NPAS3: variants seen among roughly 807,000 people sequenced by gnomAD.
The protein encoded by NPAS3 is neuronal PAS domain protein 3, also known as neuronal PAS domain-containing protein 3.
In NPAS3, 14 loss-of-function variants were observed where a neutral mutation model predicts 73.1. The ratio of observed to expected loss-of-function variants is 0.19; its 90% CI spans 0.13 to 0.30. The LOEUF is 0.30. Among genes scored for constraint, NPAS3 ranks in the 10% least tolerant of loss-of-function variants. The pLI is 1.00. For missense variants in NPAS3, 1,096 were observed against 1,250.0 expected, an observed-to-expected ratio of 0.88 and a Z score of 1.86; for synonymous variants, 620 against 541.5, an observed-to-expected ratio of 1.14 and a Z score of -2.01.
intron 5 of NPAS3, among the ~76,000 whole-genome samples, chr14:33,638,081 T>A (rs995655516): frequency 3.3e-5 from 5 of 152,222 alleles, no homozygotes; most frequent in Non-Finnish European, 5.9e-5. Context: ...TTTTGATAGC[T>A]GATTCTATGT....
At chr14:33,331,896 T>A (rs2044001895) in intron 3 of NPAS3, among the ~76,000 whole-genome samples, 1 of 152,218 alleles carries the variant, frequency 6.6e-6, no homozygotes, top group East Asian at 1.9e-4. Flanking sequence ...CTCTTGGAAG[T>A]GTGTTTATAT....
intron 2 of NPAS3, among the ~76,000 whole-genome samples, chr14:33,151,960 C>G (rs2139247072): frequency 6.6e-6 from 1 of 152,262 alleles, no homozygotes; most frequent in African/African-American, 2.4e-5. Flanking sequence ...ATTACGTATA[C>G]ATCTTTCACT....
intron 2 of NPAS3, among the ~76,000 whole-genome samples, chr14:33,177,975 A>G (rs1402939967): frequency 6.6e-6 from 1 of 151,396 alleles, no homozygotes; most frequent in Non-Finnish European, 1.5e-5. Flanking sequence ...TGCTTTGGCT[A>G]TTGGGAGCCC....
At chr14:33,673,170 A>G (rs2059660302) in intron 5 of NPAS3, among the ~76,000 whole-genome samples, 5 of 152,196 alleles carry the variant, frequency 3.3e-5, no homozygotes, top group Admixed American at 3.3e-4. Context: ...TCTTTCCTGA[A>G]TAAAGCAAGG....
intron 3 of NPAS3, among the ~76,000 whole-genome samples, chr14:33,346,770 T>TA (rs2044756731): frequency 6.6e-6 from 1 of 152,134 alleles, no homozygotes; most frequent in Non-Finnish European, 1.5e-5. Flanking sequence ...CTTTCATGTA[T>TA]TACAGTTCCT....
intron 2 of NPAS3, among the ~76,000 whole-genome samples, chr14:33,181,185 A>T (rs1258887431): frequency 2.0e-5 from 3 of 152,210 alleles, no homozygotes; most frequent in African/African-American, 7.2e-5. Flanking sequence ...GTGCTTAAAG[A>T]TGACAAGGCC....
chr14:33,623,407 A>G (rs1430103311), intron 5 of NPAS3, among the ~76,000 whole-genome samples: 1 of 152,160 alleles, frequency 6.6e-6, no homozygotes, highest in Non-Finnish European at 1.5e-5. Context: ...ACCATACCCC[A>G]TGTATAATAC....
intron 5 of NPAS3, chr14:33,611,228 C>T (rs980812685): frequency 1.4e-4 from 21 of 152,012 alleles, no homozygotes; most frequent in African/African-American, 5.1e-4. Context: ...TATGAAATAG[C>T]ACATGTTAAT....
At chr14:33,060,932 T>C (rs921060823) in intron 2 of NPAS3, among the ~76,000 whole-genome samples, 1 of 152,244 alleles carries the variant, frequency 6.6e-6, no homozygotes, top group East Asian at 1.9e-4. Flanking sequence ...ATGTGGGTAC[T>C]CTACTCAGTA....
intron 3 of NPAS3, among the ~76,000 whole-genome samples, chr14:33,300,208 A>C (rs1009644187): frequency 6.6e-6 from 1 of 152,206 alleles, no homozygotes; most frequent in Non-Finnish European, 1.5e-5. Flanking sequence ...GTAGCTATTT[A>C]TGCAAGTCTT....
chr14:33,801,063 G>C, exon 12 of NPAS3: 1 of 1,594,806 alleles, frequency 6.3e-7, no homozygotes, highest in Non-Finnish European at 8.5e-7. Flanking sequence ...CCCGTCTACA[G>C]CAACGGCATC....
intron 4 of NPAS3, among the ~76,000 whole-genome samples, chr14:33,537,049 G>GA (rs148452066): frequency 0.098 from 14,889 of 152,010 alleles, 808 homozygotes; most frequent in Non-Finnish European, 0.12. Flanking sequence ...GCTATGTTAC[G>GA]AAAAAACAAC....
At chr14:33,383,801 G>GA (rs1272769190) in intron 4 of NPAS3, among the ~76,000 whole-genome samples, 2 of 151,936 alleles carry the variant, frequency 1.3e-5, no homozygotes, top group African/African-American at 4.8e-5. Context: ...AATGTCTTCC[G>GA]AAAAAAATCC....
chr14:33,375,948 T>C (rs957694459), intron 4 of NPAS3, among the ~76,000 whole-genome samples: 4 of 152,202 alleles, frequency 2.6e-5, no homozygotes, highest in Non-Finnish European at 5.9e-5. Context: ...GACGTAAGCA[T>C]CACTCTGACC....
intron 5 of NPAS3, among the ~76,000 whole-genome samples, chr14:33,642,875 C>CTTTG: frequency 6.6e-6 from 1 of 152,274 alleles, no homozygotes; most frequent in South Asian, 2.1e-4. Flanking sequence ...CTGATCTCTT[C>CTTTG]TTTGTTTGCC....
chr14:32,940,727 A>G (rs1409621677), intron 1 of NPAS3, among the ~76,000 whole-genome samples: 1 of 152,254 alleles, frequency 6.6e-6, no homozygotes, highest in Non-Finnish European at 1.5e-5. Flanking sequence ...TTTAACCTAT[A>G]GCTTACATCA....
chr14:33,563,537 C>CAGAGAGAGAG (rs1286632432), intron 5 of NPAS3, among the ~76,000 whole-genome samples: 9 of 119,632 alleles, frequency 7.5e-5, no homozygotes, highest in African/African-American at 2.6e-4. Context: ...CACACACACA[C>CAGAGAGAGAG]AGAGAGAGAG....
At chr14:33,752,380 A>T (rs747416351) in intron 7 of NPAS3, among the ~76,000 whole-genome samples, 4 of 152,176 alleles carry the variant, frequency 2.6e-5, no homozygotes, top group Non-Finnish European at 2.9e-5. Context: ...TGCAAGAGCC[A>T]TTTAAGAGTA....
At chr14:33,004,004 G>A (rs2038900842) in intron 1 of NPAS3, among the ~76,000 whole-genome samples, 1 of 152,138 alleles carries the variant, frequency 6.6e-6, no homozygotes, top group African/African-American at 2.4e-5. Flanking sequence ...CTATTAACAT[G>A]TGACTTAGGG....
Sources: allele counts gnomAD v4.1 joint callset (sites outside exome capture counted in the v4.1 genomes callset), GRCh38; gene constraint gnomAD v4.1.1; transcripts MANE v1.5; gene names NCBI Gene and HGNC (gene_info 2026-07-23, HGNC 2026-07-21).